Variants in SLC35H1 observed in about 807,000 individuals in gnomAD.
SLC35H1 encodes the protein ovarian cancer-overexpressed gene 1 protein.
the SLC35H1 span, among the ~76,000 whole-genome samples, chr20:46,359,962 T>C: frequency 2.6e-5 from 4 of 152,220 alleles, no homozygotes; most frequent in Admixed American, 2.6e-4. Flanking sequence ...GAGCTGGCTG[T>C]GTCCAAATGA....
At chr20:46,358,749 A>G in the SLC35H1 span, 1 of 1,537,186 alleles carries the variant, frequency 6.5e-7, no homozygotes, top group Non-Finnish European at 8.8e-7. Flanking sequence ...CAGCGCTCAC[A>G]GGTCCCAAGG....
chr20:46,357,609 G>C, the SLC35H1 span: 2 of 1,610,682 alleles, frequency 1.2e-6, no homozygotes, highest in South Asian at 1.1e-5. Flanking sequence ...CCCTCACTGA[G>C]GTCCCCCACC....
the SLC35H1 span, among the ~76,000 whole-genome samples, chr20:46,354,375 C>G: frequency 6.6e-6 from 1 of 152,142 alleles, no homozygotes. Flanking sequence ...GGAAGCCTTT[C>G]TGACTTGCCT....
the SLC35H1 span, chr20:46,355,980 C>A: frequency 6.5e-7 from 1 of 1,531,986 alleles, no homozygotes; most frequent in South Asian, 1.2e-5. The surrounding 1 kb of genome is among the most constrained non-coding windows in gnomAD (Gnocchi z 4.8). Context: ...CCAAACAGAG[C>A]TGGGCTGTCA....
chr20:46,354,196 C>T, the SLC35H1 span, among the ~76,000 whole-genome samples: 3 of 152,122 alleles, frequency 2.0e-5, no homozygotes, highest in Non-Finnish European at 4.4e-5. Flanking sequence ...GGTCTTCAGC[C>T]CCCAGCTCTG....
chr20:46,363,406 T>A, the SLC35H1 span, among the ~76,000 whole-genome samples: 1 of 152,220 alleles, frequency 6.6e-6, no homozygotes, highest in African/African-American at 2.4e-5. Context: ...ACTCCAAATA[T>A]CTAAAACTTA....
the SLC35H1 span, chr20:46,350,508 C>T: frequency 1.2e-6 from 2 of 1,602,624 alleles, no homozygotes; most frequent in Non-Finnish European, 1.7e-6. Context: ...CCTTCAAGGC[C>T]TTGGGGCCAC....
At chr20:46,355,326 C>A in the SLC35H1 span, 1 of 1,457,330 alleles carries the variant, frequency 6.9e-7, no homozygotes, top group Middle Eastern at 1.8e-4. This position sits in a 1 kb window ranked among gnomAD's most constrained non-coding sequence, Gnocchi z 4.8. Context: ...GGTCAGCAGC[C>A]ATCTTGGCTG....
At chr20:46,357,896 T>C in the SLC35H1 span, 1 of 1,052,686 alleles carries the variant, frequency 9.5e-7, no homozygotes, top group Non-Finnish European at 1.4e-6. Flanking sequence ...AGGACCTTGC[T>C]ATGTGTGTAG....
At chr20:46,364,199 A>T in the SLC35H1 span, 8 of 152,270 alleles carry the variant, frequency 5.3e-5, no homozygotes, top group Admixed American at 5.2e-4. Context: ...GGGCGCTTGG[A>T]GACCCCTGCC....
the SLC35H1 span, chr20:46,351,921 A>G: frequency 1.0e-6 from 1 of 965,598 alleles, no homozygotes; most frequent in South Asian, 1.7e-5. Flanking sequence ...AGTGCCTGGC[A>G]CCTAATGGGG....
the SLC35H1 span, chr20:46,352,345 G>A: frequency 2.4e-5 from 21 of 859,272 alleles, no homozygotes; most frequent in East Asian, 4.7e-4. Context: ...CCTGCTAACT[G>A]TCTGCAGCCC....
chr20:46,358,845 G>T, the SLC35H1 span: 1 of 905,854 alleles, frequency 1.1e-6, no homozygotes, highest in South Asian at 1.4e-5. Flanking sequence ...AAGGCTGCGT[G>T]ACTCAGGGCT....
chr20:46,358,575 AG>A, the SLC35H1 span: 1 of 1,612,050 alleles, frequency 6.2e-7, no homozygotes. Flanking sequence ...TACAATGTGC[AG>A]GAAGAGCCGG....
chr20:46,353,787 C>T, the SLC35H1 span, among the ~76,000 whole-genome samples: 4 of 150,776 alleles, frequency 2.7e-5, no homozygotes, highest in East Asian at 3.9e-4. Flanking sequence ...TGTAAACACA[C>T]GGGAGGGGAG....
the SLC35H1 span, chr20:46,352,105 G>T: frequency 6.2e-7 from 1 of 1,614,198 alleles, no homozygotes; most frequent in East Asian, 2.2e-5. Flanking sequence ...AGACCAGGAG[G>T]AACTCAGAGA....
At chr20:46,356,849 T>C in the SLC35H1 span, among the ~76,000 whole-genome samples, 1 of 152,222 alleles carries the variant, frequency 6.6e-6, no homozygotes, top group Non-Finnish European at 1.5e-5. Flanking sequence ...CTGGGGCCCA[T>C]TCCAACTGGC....
chr20:46,351,334 C>T, the SLC35H1 span, among the ~76,000 whole-genome samples: 35 of 152,348 alleles, frequency 2.3e-4, no homozygotes, highest in African/African-American at 7.9e-4. Flanking sequence ...CTGGCAAGGC[C>T]GTTCATCCAA....
the SLC35H1 span, among the ~76,000 whole-genome samples, chr20:46,357,950 G>C: frequency 0.026 from 3,974 of 152,190 alleles, 177 homozygotes; most frequent in African/African-American, 0.091. Context: ...CAGACTCTTA[G>C]GTCACGAAGA....
Sources: allele counts gnomAD v4.1 joint callset (sites outside exome capture counted in the v4.1 genomes callset), GRCh38; gene constraint gnomAD v4.1.1; non-coding constraint Gnocchi (gnomAD v3.1); transcripts MANE v1.5; gene names NCBI Gene and HGNC (gene_info 2026-07-23, HGNC 2026-07-21).